Variants in MRPS31 observed in about 807,000 individuals in gnomAD.
The protein encoded by MRPS31 is mitochondrial ribosomal protein S31, also known as small ribosomal subunit protein mS31.
MRPS31 carries 32 observed loss-of-function variants against 43.1 expected under a neutral mutation model. The ratio of observed to expected loss-of-function variants is 0.74; its 90% CI spans 0.56 to 1.00. MRPS31 has a LOEUF of 1.00. MRPS31 is among the 50% of genes least tolerant of loss of function. MRPS31 has a pLI of 0.00. For missense variants in MRPS31, 437 were observed against 466.7 expected, an observed-to-expected ratio of 0.94 and a Z score of 0.59; for synonymous variants, 165 against 161.6, an observed-to-expected ratio of 1.02 and a Z score of -0.16.
At chr13:40,748,154 T>TTGTA (rs1396993111) in intron 6 of MRPS31, among the ~76,000 whole-genome samples, 2 of 152,146 alleles carry the variant, frequency 1.3e-5, no homozygotes, top group African/African-American at 4.8e-5. Flanking sequence ...GAATCTTTTT[T>TTGTA]TGTTTGTTTG....
intron 6 of MRPS31, among the ~76,000 whole-genome samples, chr13:40,736,372 G>A (rs1879908325): frequency 6.6e-6 from 1 of 151,398 alleles, no homozygotes; most frequent in African/African-American, 2.4e-5. Context: ...ATATTATCCA[G>A]GAGAATTTAC....
chr13:40,730,674 C>T (rs1222043296), intron 6 of MRPS31, among the ~76,000 whole-genome samples: 3 of 152,080 alleles, frequency 2.0e-5, no homozygotes, highest in South Asian at 2.1e-4. Flanking sequence ...GATTCTCCTG[C>T]CTCGGCCTCC....
chr13:40,746,114 C>A (rs1302241017), intron 6 of MRPS31, among the ~76,000 whole-genome samples: 1 of 152,118 alleles, frequency 6.6e-6, no homozygotes, highest in Non-Finnish European at 1.5e-5. Flanking sequence ...ATTGTAAACA[C>A]GATATGTCAC....
intron 2 of MRPS31, among the ~76,000 whole-genome samples, chr13:40,763,885 A>G (rs1880770634): frequency 6.6e-6 from 1 of 152,210 alleles, no homozygotes; most frequent in South Asian, 2.1e-4. Flanking sequence ...CCACATGGAA[A>G]GGCCATGGGT....
intron 5 of MRPS31, among the ~76,000 whole-genome samples, chr13:40,751,645 A>C (rs948065740): frequency 6.6e-6 from 1 of 152,226 alleles, no homozygotes; most frequent in African/African-American, 2.4e-5. Context: ...AAAATTACTG[A>C]ATGCCAACTG....
At chr13:40,736,612 G>A (rs1470173938) in intron 6 of MRPS31, among the ~76,000 whole-genome samples, 1 of 151,108 alleles carries the variant, frequency 6.6e-6, no homozygotes. Context: ...CCAGAAGAGA[G>A]TGGGGACCAA....
Position 40,769,373 on chromosome 13 carries a change from CATATATATATATATATATATAT to C in MRPS31, c.152+1590_152+1611del, listed in dbSNP as rs201190639. On this transcript the variant is annotated intron_variant, in intron 1 of 6. Transcript: ENST00000323563. ...CTAAGCGACAGAGCAAGACTCTGTCCATATATATATATATATATATATATATATATATATATATATATATATA... is the reference window on the plus strand; with the variant it reads ...CTAAGCGACAGAGCAAGACTCTGTCCATATATATATATATATATATATATA... Among the ~76,000 whole-genome samples the C allele has an allele frequency of 4.5e-3, 298 of 65,644 alleles. 5 individuals carry two copies. Among genetic ancestry groups the C allele is most frequent in the Non-Finnish European group, 7.7e-3 (222 of 28,874 alleles). 43.1% of individuals were successfully genotyped at this position (65,644 alleles called of 152,430 possible).
intron 5 of MRPS31, among the ~76,000 whole-genome samples, chr13:40,752,664 C>T (rs988177044): frequency 2.6e-5 from 4 of 151,966 alleles, no homozygotes; most frequent in African/African-American, 9.7e-5. Flanking sequence ...ATCAAAAGTT[C>T]GTATAAGTAA....
intron 5 of MRPS31, among the ~76,000 whole-genome samples, chr13:40,753,136 C>T (rs1035221744): frequency 6.6e-6 from 1 of 152,162 alleles, no homozygotes; most frequent in Non-Finnish European, 1.5e-5. Flanking sequence ...TAATGTCAAG[C>T]AAGAGGACAC....
chr13:40,766,403 C>T (rs1485149619), intron 2 of MRPS31, among the ~76,000 whole-genome samples: 1 of 152,200 alleles, frequency 6.6e-6, no homozygotes, highest in African/African-American at 2.4e-5. Context: ...AAACAGTCCT[C>T]CTGCCTCAGC....
intron 6 of MRPS31, among the ~76,000 whole-genome samples, chr13:40,732,683 A>G (rs1464630372): frequency 6.6e-6 from 1 of 152,126 alleles, no homozygotes; most frequent in African/African-American, 2.4e-5. Flanking sequence ...GGCTGCAGTA[A>G]GCTGTGATCA....
chr13:40,763,410 A>C (rs1414430164), intron 2 of MRPS31, among the ~76,000 whole-genome samples: 1 of 152,192 alleles, frequency 6.6e-6, no homozygotes, highest in East Asian at 1.9e-4. Flanking sequence ...GGCCACATGC[A>C]GTTTCCAGGG....
intron 6 of MRPS31, among the ~76,000 whole-genome samples, chr13:40,738,753 A>T (rs928247583): frequency 2.0e-5 from 3 of 152,156 alleles, no homozygotes; most frequent in African/African-American, 7.2e-5. Flanking sequence ...CATGCTAAAA[A>T]CTCTCAATAA....
At chr13:40,752,816 A>C (rs1880428164) in intron 5 of MRPS31, among the ~76,000 whole-genome samples, 1 of 152,128 alleles carries the variant, frequency 6.6e-6, no homozygotes, top group African/African-American at 2.4e-5. Context: ...CATAGCTCAC[A>C]GCAGCCTCAA....
intron 3 of MRPS31, among the ~76,000 whole-genome samples, chr13:40,757,440 CTT>C (rs11291870): frequency 0.012 from 1,145 of 96,926 alleles, 13 homozygotes; most frequent in African/African-American, 0.045. Flanking sequence ...CTATGTCTTC[CTT>C]TTTTTTTTTT....
intron 5 of MRPS31, 123 bp downstream of exon 5, chr13:40,753,896 T>A: frequency 1.5e-6 from 1 of 662,796 alleles, no homozygotes; most frequent in Non-Finnish European, 2.5e-6. Flanking sequence ...GCCACATTCA[T>A]AAGCAGGATC....
chr13:40,762,794 GTGTGTGTGT>G (rs1880737971), intron 2 of MRPS31, among the ~76,000 whole-genome samples: 2 of 28,372 alleles, frequency 7.0e-5, no homozygotes, highest in African/African-American at 3.2e-4. Context: ...GTGTGTGTGT[GTGTGTGTGT>G]GTGTGTGTGT....
chr13:40,734,602 C>A (rs1466660514), intron 6 of MRPS31, among the ~76,000 whole-genome samples: 1 of 152,008 alleles, frequency 6.6e-6, no homozygotes, highest in Non-Finnish European at 1.5e-5. Context: ...TTTGTCTTAC[C>A]ATTAAACAGT....
At chr13:40,754,767 G>T (rs1233054388) in intron 4 of MRPS31, among the ~76,000 whole-genome samples, 1 of 152,166 alleles carries the variant, frequency 6.6e-6, no homozygotes, top group Non-Finnish European at 1.5e-5. Context: ...GGTGGCTCAC[G>T]CCTGTAATCC....
Sources: allele counts gnomAD v4.1 joint callset (sites outside exome capture counted in the v4.1 genomes callset), GRCh38; gene constraint gnomAD v4.1.1; transcripts MANE v1.5; gene names NCBI Gene and HGNC (gene_info 2026-07-23, HGNC 2026-07-21).